Variants in ANK2 observed in about 807,000 individuals in gnomAD.
The protein encoded by ANK2 is ankyrin 2.
ANK2 carries 83 observed loss-of-function variants against 360.5 expected under a neutral mutation model. That is an observed-to-expected ratio of 0.23 (90% confidence interval 0.19 to 0.28). The LOEUF (loss-of-function observed/expected upper bound fraction) is 0.28, where lower values mean the gene tolerates loss of function less well. Among genes scored for constraint, ANK2 ranks in the 10% least tolerant of loss-of-function variants. The pLI is 1.00. For synonymous variants in ANK2, 1,740 were observed against 1,759.5 expected, an observed-to-expected ratio of 0.99 and a Z score of 0.28; for missense variants, 4,201 against 4,795.7, an observed-to-expected ratio of 0.88 and a Z score of 3.66.
At chr4:112,843,074 C>G (rs2062494424) in intron 1 of ANK2, among the ~76,000 whole-genome samples, 1 of 152,148 alleles carries the variant, frequency 6.6e-6, no homozygotes, top group Non-Finnish European at 1.5e-5. Flanking sequence ...TATAAGGAGC[C>G]TTGTATTACA....
At chr4:112,877,887 C>T (rs1456877908) in intron 1 of ANK2, among the ~76,000 whole-genome samples, 3 of 152,146 alleles carry the variant, frequency 2.0e-5, no homozygotes, top group Non-Finnish European at 4.4e-5. Flanking sequence ...TTATATTTAT[C>T]TTTTTGCATT....
intron 2 of ANK2, among the ~76,000 whole-genome samples, chr4:112,993,771 A>G (rs994403281): frequency 1.3e-5 from 2 of 151,690 alleles, no homozygotes; most frequent in African/African-American, 2.4e-5. Flanking sequence ...CAGAGGCACG[A>G]TCTTGGCTCA....
At chr4:113,195,436 C>G (rs2098733676) in intron 2 of ANK2, among the ~76,000 whole-genome samples, 2 of 152,008 alleles carry the variant, frequency 1.3e-5, no homozygotes, top group Non-Finnish European at 2.9e-5. Context: ...TATTCCATTT[C>G]AAAATCCAAA....
chr4:112,834,467 G>A (rs1389535075), intron 1 of ANK2, among the ~76,000 whole-genome samples: 1 of 152,094 alleles, frequency 6.6e-6, no homozygotes, highest in Non-Finnish European at 1.5e-5. Flanking sequence ...TCTTGTATAT[G>A]TTAGAAAATT....
chr4:112,967,053 T>C (rs1284821055), intron 2 of ANK2, among the ~76,000 whole-genome samples: 1 of 152,210 alleles, frequency 6.6e-6, no homozygotes. Flanking sequence ...ATATTCTCTA[T>C]AGAGAATTTA....
At chr4:113,188,728 G>A (rs778209756) in intron 2 of ANK2, among the ~76,000 whole-genome samples, 1 of 152,040 alleles carries the variant, frequency 6.6e-6, no homozygotes, top group Non-Finnish European at 1.5e-5. Context: ...AATAACAAAG[G>A]CTATTTAAAT....
At chr4:112,966,006 A>T (rs1270592846) in intron 2 of ANK2, among the ~76,000 whole-genome samples, 1 of 151,894 alleles carries the variant, frequency 6.6e-6, no homozygotes, top group African/African-American at 2.4e-5. Context: ...GATACTTTTA[A>T]ATTTAGAAAA....
chr4:113,365,435 TC>T (rs779291500), intron 41 of ANK2, among the ~76,000 whole-genome samples: 33 of 152,268 alleles, frequency 2.2e-4, no homozygotes, highest in Non-Finnish European at 4.6e-4. Context: ...GAATTCCTTT[TC>T]CTCAGTTCCA....
chr4:112,904,157 A>G (rs944025698), intron 1 of ANK2, among the ~76,000 whole-genome samples: 2 of 152,188 alleles, frequency 1.3e-5, no homozygotes, highest in African/African-American at 4.8e-5. Flanking sequence ...CAAGATTCTT[A>G]TGAATCTACT....
Position 113,063,377 on chromosome 4 carries a change from C to T in ANK2, c.84+13565C>T, listed in dbSNP as rs1264729195. 3.9e-5 allele frequency among the ~76,000 whole-genome samples: 6 copies of T among 152,046 alleles called. No individual in the cohort carries two copies. The East Asian group carries it at 1.2e-3, about 29-fold the overall frequency. On this transcript the variant is annotated intron_variant, in intron 1 of 45. Coordinates refer to ENST00000357077, the MANE Select transcript of ANK2 (RefSeq NM_001148.6). ...ATTTCAGCATTGCTTTCTCAGAAAACATATGGTACTTGAATTTGCCTTCTT... is the reference window on the plus strand; with the variant it reads ...ATTTCAGCATTGCTTTCTCAGAAAATATATGGTACTTGAATTTGCCTTCTT...
At chr4:113,031,049 A>AT (rs1325604663) in intron 2 of ANK2, among the ~76,000 whole-genome samples, 1 of 152,080 alleles carries the variant, frequency 6.6e-6, no homozygotes, top group African/African-American at 2.4e-5. Context: ...CACTAAGATA[A>AT]TGAATGGTCA....
In ANK2 at chr4:113,302,774, C is replaced by A. The variant is rs780181849; in HGVS notation, c.2483C>A (p.Thr828Lys). 1.2e-6 allele frequency: 2 copies of A among 1,613,238 alleles called. No homozygotes were observed. The highest frequency in any genetic ancestry group is 1.7e-6 in the Non-Finnish European group (2 of 1,179,300). ...TGATTTTTGTTTTTCCAGACTATTA[C>A]AGAAAAACACAAACTAAATGTACCT... ...EEVTTTTTTI[T>K]EKHKLNVPET... The change falls in exon 23 of 46, where the codon ACA (threonine) becomes AAA (lysine). Residue 828 changes from threonine (T) to lysine (K), a missense_variant. Coordinates refer to ENST00000357077, the MANE Select transcript of ANK2 (RefSeq NM_001148.6).
At chr4:112,812,291 A>G in the ANK2 span, among the ~76,000 whole-genome samples, 1 of 152,152 alleles carries the variant, frequency 6.6e-6, no homozygotes, top group South Asian at 2.1e-4. Flanking sequence ...AGTATTCTTT[A>G]TGATGCTGTG....
At chr4:113,220,177 A>G (rs2099134307) in intron 4 of ANK2, among the ~76,000 whole-genome samples, 1 of 152,202 alleles carries the variant, frequency 6.6e-6, no homozygotes, top group Non-Finnish European at 1.5e-5. Flanking sequence ...TAGCTTTCCA[A>G]AAGAGAATTC....
chr4:113,167,777 T>C (rs988393981), intron 1 of ANK2, among the ~76,000 whole-genome samples: 8 of 152,210 alleles, frequency 5.3e-5, no homozygotes, highest in African/African-American at 1.9e-4. Context: ...TTCTGATTGT[T>C]TCCGAAACTA....
chr4:113,292,916 C>G, intron 21 of ANK2: 1 of 356,940 alleles, frequency 2.8e-6, no homozygotes, highest in East Asian at 7.2e-5. Flanking sequence ...CTAAGCGGTG[C>G]AATTAAACGA....
At chr4:113,223,523 T>C (rs571220023) in intron 4 of ANK2, among the ~76,000 whole-genome samples, 43 of 152,142 alleles carry the variant, frequency 2.8e-4, no homozygotes, top group Non-Finnish European at 5.0e-4. Flanking sequence ...AAGGGTATTG[T>C]AAAGATTTAG....
chr4:113,137,004 C>T (rs1350313671), intron 1 of ANK2, among the ~76,000 whole-genome samples: 7 of 151,970 alleles, frequency 4.6e-5, no homozygotes, highest in Non-Finnish European at 7.4e-5. Flanking sequence ...GTGATCCACC[C>T]GCCTTGGCCT....
intron 1 of ANK2, chr4:112,827,339 A>G: frequency 1.6e-6 from 2 of 1,243,868 alleles, no homozygotes; most frequent in Non-Finnish European, 2.4e-6. Flanking sequence ...AATGAGTTAC[A>G]GCAACTGGAA....
Sources: gnomAD v4.1 joint callset for allele counts (sites outside exome capture counted in the v4.1 genomes callset) on GRCh38, gnomAD v4.1.1 for gene constraint, MANE v1.5 for transcripts, NCBI Gene and HGNC (gene_info 2026-07-23, HGNC 2026-07-21) for gene names.